Variants in SSBP2 observed in about 807,000 individuals in gnomAD.
The protein encoded by SSBP2 is single stranded DNA binding protein 2.
In SSBP2, 17 loss-of-function variants were observed where a neutral mutation model predicts 61.8. The observed-to-expected ratio is 0.28, with a 90% CI of 0.19 to 0.41. SSBP2 has a LOEUF of 0.41. SSBP2 is among the 10% of genes least tolerant of loss of function. SSBP2 has a pLI of 1.00. For synonymous variants in SSBP2, 139 were observed against 141.3 expected, an observed-to-expected ratio of 0.98 and a Z score of 0.12; for missense variants, 310 against 458.7, an observed-to-expected ratio of 0.68 and a Z score of 2.96.
intron 4 of SSBP2, among the ~76,000 whole-genome samples, chr5:81,587,622 C>T (rs1775155104): frequency 6.6e-6 from 1 of 152,000 alleles, no homozygotes; most frequent in African/African-American, 2.4e-5. Context: ...CCCAGCTACT[C>T]GGGAGGCTGA....
chr5:81,479,647 A>T (rs1309380455), intron 6 of SSBP2, among the ~76,000 whole-genome samples: 1 of 152,138 alleles, frequency 6.6e-6, no homozygotes, highest in Non-Finnish European at 1.5e-5. Context: ...ACTAATGAGG[A>T]GGGTACTTAA....
intron 1 of SSBP2, among the ~76,000 whole-genome samples, chr5:81,676,700 C>T (rs1025811171): frequency 6.6e-6 from 1 of 152,120 alleles, no homozygotes; most frequent in African/African-American, 2.4e-5. Flanking sequence ...CCCCTCCTTC[C>T]CCTCTTTGTA....
Position 81,513,655 on chromosome 5 carries a change from T to C in SSBP2, c.345A>G (p.Val115=). Reference sequence around the variant, plus strand: ...GAAAGAACCCTGGTGGTACAGGACCTACTGGCATGCCATCTCCTGGGGGAA... The same window carrying C: ...GAAAGAACCCTGGTGGTACAGGACCCACTGGCATGCCATCTCCTGGGGGAA... The change falls in exon 5 of 17, where the codon GTA becomes GTG. Residue 115 remains valine, a synonymous_variant. Transcript: ENST00000320672. 6.2e-7 allele frequency: 1 copy of C among 1,612,700 alleles called. No individual in the cohort carries two copies. The highest frequency in any genetic ancestry group is 8.5e-7 in the Non-Finnish European group (1 of 1,178,852).
At chr5:81,490,375 A>G (rs1766767622) in intron 5 of SSBP2, among the ~76,000 whole-genome samples, 1 of 152,092 alleles carries the variant, frequency 6.6e-6, no homozygotes, top group Non-Finnish European at 1.5e-5. Flanking sequence ...TAGAAACAAC[A>G]GAAAAATTAT....
At chr5:81,705,484 A>G (rs984105094) in intron 1 of SSBP2, among the ~76,000 whole-genome samples, 5 of 152,326 alleles carry the variant, frequency 3.3e-5, no homozygotes, top group Middle Eastern at 3.4e-3. Flanking sequence ...CAACTCAAAG[A>G]AAAAATAATT....
At chr5:81,422,859 TC>T (rs1761697046) in intron 16 of SSBP2, among the ~76,000 whole-genome samples, 1 of 152,226 alleles carries the variant, frequency 6.6e-6, no homozygotes, top group African/African-American at 2.4e-5. Flanking sequence ...ACATCACATT[TC>T]AACCCACCAT....
intron 1 of SSBP2, among the ~76,000 whole-genome samples, chr5:81,661,012 T>TG (rs1403920341): frequency 7.0e-5 from 9 of 129,308 alleles, no homozygotes; most frequent in East Asian, 2.3e-4. Context: ...TGTTGAGGGG[T>TG]GGGGGGTCAG....
intron 11 of SSBP2, among the ~76,000 whole-genome samples, chr5:81,448,527 A>T (rs1385366444): frequency 2.0e-5 from 3 of 152,198 alleles, no homozygotes; most frequent in Admixed American, 2.0e-4. Context: ...TACTCTCTTC[A>T]TGATTGGACA....
intron 15 of SSBP2, among the ~76,000 whole-genome samples, chr5:81,436,020 T>C (rs1762649564): frequency 6.6e-6 from 1 of 151,886 alleles, no homozygotes; most frequent in Non-Finnish European, 1.5e-5. Context: ...AAACCCCATC[T>C]CTACTAAAAA....
chr5:81,668,264 A>C (rs1237494273), intron 1 of SSBP2, among the ~76,000 whole-genome samples: 1 of 150,936 alleles, frequency 6.6e-6, no homozygotes, highest in Non-Finnish European at 1.5e-5. Context: ...AAAAAAAAAA[A>C]AAAAAAAAAC....
chr5:81,590,297 T>C (rs1775400781), intron 4 of SSBP2, among the ~76,000 whole-genome samples: 1 of 152,190 alleles, frequency 6.6e-6, no homozygotes, highest in Admixed American at 6.5e-5. Flanking sequence ...AGTTTAATAG[T>C]ATGATTATAT....
intron 1 of SSBP2, among the ~76,000 whole-genome samples, chr5:81,653,133 T>G (rs959370508): frequency 1.3e-5 from 2 of 152,076 alleles, no homozygotes; most frequent in Non-Finnish European, 1.5e-5. Context: ...GTGTGTGATG[T>G]TCCCCTCCCT....
In SSBP2 at chr5:81,418,069, G is replaced by A. The variant is rs1761392550; in HGVS notation, c.*2435C>T. The A allele has an allele frequency of 6.6e-6, 1 of 152,188 alleles. No individual in the cohort carries two copies. Among genetic ancestry groups the A allele is most frequent in the South Asian group, 2.1e-4 (1 of 4,836 alleles). 9.4% of individuals were successfully genotyped at this position (152,188 alleles called of 1,614,324 possible). Reference sequence around the variant, plus strand: ...GAATTTCAAGATCGGTAACAATGGAGAAGAGTCAACAAAATATTTGAAAAT... The same window carrying A: ...GAATTTCAAGATCGGTAACAATGGAAAAGAGTCAACAAAATATTTGAAAAT... On this transcript the variant is annotated 3_prime_UTR_variant, in exon 17 of 17. Transcript: ENST00000320672.
intron 1 of SSBP2, among the ~76,000 whole-genome samples, chr5:81,727,916 G>C (rs558222649): frequency 6.6e-6 from 1 of 152,268 alleles, no homozygotes; most frequent in Admixed American, 6.5e-5. Flanking sequence ...ACCTACTTTA[G>C]AAAGGATGGT....
chr5:81,539,086 G>T (rs1771041792), intron 4 of SSBP2, among the ~76,000 whole-genome samples: 1 of 152,218 alleles, frequency 6.6e-6, no homozygotes, highest in South Asian at 2.1e-4. Flanking sequence ...CTTCTGGAAA[G>T]AATTCATTAT....
chr5:81,475,850 T>C (rs1436406273), intron 6 of SSBP2, among the ~76,000 whole-genome samples: 1 of 152,118 alleles, frequency 6.6e-6, no homozygotes, highest in Non-Finnish European at 1.5e-5. Flanking sequence ...TATGTATACA[T>C]ATGCAAGTTA....
chr5:81,463,613 T>C (rs916155373), intron 9 of SSBP2, among the ~76,000 whole-genome samples: 7 of 152,010 alleles, frequency 4.6e-5, no homozygotes, highest in African/African-American at 1.7e-4. Context: ...GGCAGGAGAA[T>C]TGCTTGAACC....
chr5:81,522,719 C>A (rs1056584321), intron 4 of SSBP2, among the ~76,000 whole-genome samples: 2 of 152,000 alleles, frequency 1.3e-5, no homozygotes, highest in African/African-American at 4.8e-5. Flanking sequence ...CATTTGTTTG[C>A]ACAGGGACAC....
chr5:81,704,129 C>A (rs1208919830), intron 1 of SSBP2, among the ~76,000 whole-genome samples: 1 of 152,174 alleles, frequency 6.6e-6, no homozygotes, highest in African/African-American at 2.4e-5. Flanking sequence ...GTTGGGGATT[C>A]TTCTTAGTTA....
Sources: allele counts gnomAD v4.1 joint callset (sites outside exome capture counted in the v4.1 genomes callset), GRCh38; gene constraint gnomAD v4.1.1; transcripts MANE v1.5; gene names NCBI Gene and HGNC (gene_info 2026-07-23, HGNC 2026-07-21).